The following MCPH1 variants were observed in gnomAD, a reference collection of about 807,000 sequenced individuals.
MCPH1 encodes the protein microcephalin 1, also known as microcephalin.
In MCPH1, 104 loss-of-function variants were observed where a neutral mutation model predicts 84.5. The observed-to-expected ratio is 1.23, with a 90% CI of 1.05 to 1.45. The LOEUF is 1.45. MCPH1 is among the 40% of genes most tolerant of loss of function. The pLI is 0.00. For missense variants in MCPH1, 1,498 were observed against 1,005.7 expected (o/e 1.49, Z -6.62); for synonymous variants, 514 against 366.8 (o/e 1.40, Z -4.58).
chr8:6,574,632 C>T (rs1395549492), intron 12 of MCPH1, among the ~76,000 whole-genome samples: 1 of 152,306 alleles, frequency 6.6e-6, no homozygotes, highest in South Asian at 2.1e-4. Flanking sequence ...AACTTATAGA[C>T]ATGAAAAATA....
intron 13 of MCPH1, among the ~76,000 whole-genome samples, chr8:6,628,169 A>G (rs1396433947): frequency 6.6e-6 from 1 of 152,048 alleles, no homozygotes. Context: ...CAGAGATGTA[A>G]ACATTTAAAA....
intron 12 of MCPH1, among the ~76,000 whole-genome samples, chr8:6,524,605 C>T (rs1399672650): frequency 6.6e-6 from 1 of 152,164 alleles, no homozygotes; most frequent in Non-Finnish European, 1.5e-5. Context: ...CTACCATGTA[C>T]GAGGTGTTTT....
chr8:6,522,004 T>A (rs1207278064), intron 12 of MCPH1, among the ~76,000 whole-genome samples: 1 of 152,200 alleles, frequency 6.6e-6, no homozygotes, highest in Non-Finnish European at 1.5e-5. Flanking sequence ...CCTCACCTGT[T>A]AATTAGGATA....
At chr8:6,439,700 C>T (rs2129555039) in intron 6 of MCPH1, among the ~76,000 whole-genome samples, 1 of 152,140 alleles carries the variant, frequency 6.6e-6, no homozygotes, top group South Asian at 2.1e-4. Context: ...CCGCTCCTGG[C>T]CGTGAATCAT....
chr8:6,496,161 AC>A (rs1228793285), intron 11 of MCPH1, among the ~76,000 whole-genome samples: 1 of 152,208 alleles, frequency 6.6e-6, no homozygotes, highest in African/African-American at 2.4e-5. Flanking sequence ...GTTTTCTGCA[AC>A]TAGACAGTCC....
At chr8:6,458,636 A>ATTTAT (rs1354865003) in intron 9 of MCPH1, among the ~76,000 whole-genome samples, 21 of 151,986 alleles carry the variant, frequency 1.4e-4, no homozygotes, top group Non-Finnish European at 2.8e-4. Context: ...GTAACATTAA[A>ATTTAT]TTTATTTTAT....
At chr8:6,628,233 G>A (rs558309055) in intron 13 of MCPH1, among the ~76,000 whole-genome samples, 1 of 152,210 alleles carries the variant, frequency 6.6e-6, no homozygotes, top group Admixed American at 6.5e-5. Flanking sequence ...CACTTTGGGA[G>A]GCCGAAGCGG....
chr8:6,524,265 T>C (rs1401309043), intron 12 of MCPH1, among the ~76,000 whole-genome samples: 2 of 152,244 alleles, frequency 1.3e-5, no homozygotes, highest in Admixed American at 1.3e-4. Context: ...ATGGCATCTT[T>C]ATGTTTCAGA....
chr8:6,496,237 A>G (rs1811209798), intron 11 of MCPH1, among the ~76,000 whole-genome samples: 1 of 152,136 alleles, frequency 6.6e-6, no homozygotes, highest in Admixed American at 6.5e-5. Flanking sequence ...GGAGCATGCA[A>G]CCTAGATCCC....
chr8:6,511,785 C>T (rs553363602), intron 12 of MCPH1, among the ~76,000 whole-genome samples: 13 of 152,224 alleles, frequency 8.5e-5, no homozygotes, highest in African/African-American at 3.1e-4. Context: ...AAGGAAATAT[C>T]TGTTAAGAAC....
rs143713582 is a variant in MCPH1 at position 6,496,299 on chromosome 8, A to G, written c.2137-3553A>G. ...CGCAATTCTATGAGAATGTAATGCC[A>G]CTGCTGATCTGACAGGAGGTGGAGC... is the stretch of plus-strand genomic sequence containing the variant. On this transcript the variant is annotated intron_variant, in intron 11 of 13. Coordinates refer to ENST00000344683, the MANE Select transcript of MCPH1 (RefSeq NM_024596.5). Among the ~76,000 whole-genome samples, 390 of 152,256 alleles carry G rather than the reference A, an allele frequency of 2.6e-3. 1 individual carries two copies. The highest frequency in any genetic ancestry group is 8.8e-3 in the African/African-American group (364 of 41,538).
intron 12 of MCPH1, among the ~76,000 whole-genome samples, chr8:6,552,239 A>G (rs1348204594): frequency 6.6e-6 from 1 of 152,220 alleles, no homozygotes; most frequent in Non-Finnish European, 1.5e-5. Flanking sequence ...AACATGCAGA[A>G]GCAGCATTGC....
At chr8:6,415,436 C>T (rs1585598128) in intron 3 of MCPH1, among the ~76,000 whole-genome samples, 1 of 151,998 alleles carries the variant, frequency 6.6e-6, no homozygotes, top group Non-Finnish European at 1.5e-5. Context: ...TCATCTCAAC[C>T]TTTGCCTCCT....
chr8:6,634,381 G>C (rs1797387378), intron 13 of MCPH1, among the ~76,000 whole-genome samples: 2 of 152,234 alleles, frequency 1.3e-5, no homozygotes, highest in Admixed American at 6.5e-5. Flanking sequence ...GCCAGAACAA[G>C]TCTGTATTGC....
rs779579363 is a variant in MCPH1, at chr8:6,514,819, C to T, written c.2214+14890C>T. The T allele has an allele frequency of 3.9e-6, 6 of 1,557,470 alleles. No homozygotes were observed. In the Admixed American group the frequency reaches 5.0e-5, roughly 13 times the overall value. On this transcript the variant is annotated intron_variant, in intron 12 of 13. Transcript: ENST00000344683. ...CAGGGTATAAGTGACAGAGCCCCCC[C>T]ACTCCCCCCTTACGTAGCAGAAGCA... is the stretch of plus-strand genomic sequence containing the variant.
chr8:6,425,152 G>A (rs192352070), intron 3 of MCPH1, among the ~76,000 whole-genome samples: 1 of 152,192 alleles, frequency 6.6e-6, no homozygotes, highest in Non-Finnish European at 1.5e-5. Flanking sequence ...TCGGCTCTCT[G>A]GGGAGAATAA....
intron 12 of MCPH1, among the ~76,000 whole-genome samples, chr8:6,596,600 C>G (rs550015545): frequency 2.2e-4 from 34 of 152,024 alleles, no homozygotes; most frequent in Non-Finnish European, 3.8e-4. Flanking sequence ...TGCAGGAGCT[C>G]GTGAGTATGA....
chr8:6,443,940 C>T (rs1472575562), intron 7 of MCPH1, among the ~76,000 whole-genome samples: 5 of 152,046 alleles, frequency 3.3e-5, no homozygotes, highest in Admixed American at 6.6e-5. Context: ...CAGTGTAATA[C>T]GAGGACTTTA....
rs974163860 is a variant in MCPH1, at chr8:6,504,250, G to A, written c.2214+4321G>A. ...GGAGAATGGCGTGAACCCGGGAGGC[G>A]GAGCTTGCAGTGAGCCGAGATCGCG... is the stretch of plus-strand genomic sequence containing the variant. On this transcript the variant is annotated intron_variant, in intron 12 of 13. Transcript: ENST00000344683. 7.4e-5 allele frequency among the ~76,000 whole-genome samples: 11 copies of A among 149,482 alleles called. 1 individual carries two copies. Among genetic ancestry groups the A allele is most frequent in the African/African-American group, 2.0e-4 (8 of 40,350 alleles).
Sources: gnomAD v4.1 joint callset for allele counts (sites outside exome capture counted in the v4.1 genomes callset) on GRCh38, gnomAD v4.1.1 for gene constraint, MANE v1.5 for transcripts, NCBI Gene and HGNC (gene_info 2026-07-23, HGNC 2026-07-21) for gene names.